Variants in GPC5 observed in about 807,000 individuals in gnomAD.
GPC5 encodes the protein glypican-5.
GPC5 carries 47 observed loss-of-function variants against 53.9 expected under a neutral mutation model. The observed-to-expected ratio is 0.87, with a 90% CI of 0.69 to 1.11. The LOEUF is 1.11. Among genes scored for constraint, GPC5 ranks in the 50% most tolerant of loss-of-function variants. The pLI is 0.00. For synonymous variants in GPC5, 286 were observed against 263.3 expected (o/e 1.09, Z -0.84); for missense variants, 748 against 713.1 (o/e 1.05, Z -0.56).
intron 1 of GPC5, among the ~76,000 whole-genome samples, chr13:91,437,259 G>T (rs1276345605): frequency 6.6e-6 from 1 of 152,176 alleles, no homozygotes; most frequent in Non-Finnish European, 1.5e-5. Context: ...TTGCTTGTTG[G>T]TTGATGCAGT....
chr13:91,663,994 A>G (rs939682760), intron 2 of GPC5, among the ~76,000 whole-genome samples: 1 of 152,088 alleles, frequency 6.6e-6, no homozygotes, highest in Non-Finnish European at 1.5e-5. Flanking sequence ...AACATCTTTG[A>G]CCATTACTGA....
chr13:92,615,523 T>G (rs898020660), intron 7 of GPC5, among the ~76,000 whole-genome samples: 2 of 152,156 alleles, frequency 1.3e-5, no homozygotes, highest in African/African-American at 4.8e-5. Context: ...ACAACAAAAG[T>G]TGATCTTTCA....
intron 7 of GPC5, among the ~76,000 whole-genome samples, chr13:92,568,222 G>A (rs1264614253): frequency 6.6e-6 from 1 of 152,028 alleles, no homozygotes. Context: ...ATAATATTTT[G>A]CCTATTAAAA....
At chr13:91,830,524 A>G (rs1178655236) in intron 5 of GPC5, among the ~76,000 whole-genome samples, 2 of 151,904 alleles carry the variant, frequency 1.3e-5, no homozygotes, top group Non-Finnish European at 2.9e-5. Context: ...ATAAGTGTCC[A>G]TGAAATCTTT....
intron 6 of GPC5, among the ~76,000 whole-genome samples, chr13:92,082,126 G>A (rs1044940885): frequency 6.6e-6 from 1 of 152,014 alleles, no homozygotes; most frequent in African/African-American, 2.4e-5. Context: ...TAATTAAAGG[G>A]GAGTTTGTCT....
rs748202307 is a variant in GPC5, at chr13:91,693,740, T to C, written c.879T>C (p.His293=). The C allele has an allele frequency of 2.8e-5, 45 of 1,614,070 alleles. No homozygotes were observed. The highest frequency in any genetic ancestry group is 3.6e-5 in the Non-Finnish European group (42 of 1,180,036). ...AHMAELNPHW[H]AYIRSLEELS... is the part of the protein sequence containing the mutation. ...TGGCGGAGCTTAATCCACACTGGCA[T>C]GCATATATCCGGTCGTTGGAAGAAC... The change falls in exon 3 of 8, where the codon CAT becomes CAC. Residue 293 remains histidine, a synonymous_variant. Transcript: ENST00000377067.
At chr13:92,602,843 T>C (rs1046470216) in intron 7 of GPC5, among the ~76,000 whole-genome samples, 1 of 148,144 alleles carries the variant, frequency 6.8e-6, no homozygotes, top group Admixed American at 6.6e-5. Context: ...ATAGTCATAG[T>C]TTTGATTTTT....
chr13:92,767,441 A>G (rs1875447720), intron 7 of GPC5, among the ~76,000 whole-genome samples: 1 of 152,188 alleles, frequency 6.6e-6, no homozygotes, highest in African/African-American at 2.4e-5. Flanking sequence ...ACCACACTTC[A>G]GCCTGGGCGA....
chr13:92,601,412 G>T (rs772475791), intron 7 of GPC5, among the ~76,000 whole-genome samples: 1 of 151,740 alleles, frequency 6.6e-6, no homozygotes, highest in Non-Finnish European at 1.5e-5. Context: ...AAAATCAGCC[G>T]GGCATGGTGG....
rs1049265387 is a variant in GPC5, at chr13:92,398,292, A to G, written c.1561+253303A>G. On this transcript the variant is annotated intron_variant, in intron 7 of 7. Coordinates refer to ENST00000377067, the MANE Select transcript of GPC5 (RefSeq NM_004466.6). ...AAAATACAAAAAATTAGCCGGGCGT[A>G]GTGGCGGGCGCCTGTAGTCCCAGCT... is the stretch of plus-strand genomic sequence containing the variant. 1.5e-4 allele frequency among the ~76,000 whole-genome samples: 23 copies of G among 149,446 alleles called. No homozygotes were observed. The East Asian group carries it at 2.0e-3, about 13-fold the overall frequency.
At chr13:91,647,072 TG>T (rs34850455) in intron 2 of GPC5, among the ~76,000 whole-genome samples, 1 of 634 alleles carries the variant, frequency 1.6e-3, no homozygotes, top group African/African-American at 0.014. Flanking sequence ...TATATATGCG[TG>T]TGTGTGTGTG....
chr13:91,715,344 T>C (rs2036313742), intron 3 of GPC5, among the ~76,000 whole-genome samples: 1 of 149,838 alleles, frequency 6.7e-6, no homozygotes, highest in African/African-American at 2.5e-5. Flanking sequence ...TATGTGTGGA[T>C]ATCTACACGT....
intron 7 of GPC5, among the ~76,000 whole-genome samples, chr13:92,593,808 A>G (rs1883786981): frequency 6.6e-6 from 1 of 152,172 alleles, no homozygotes; most frequent in African/African-American, 2.4e-5. Flanking sequence ...CTGAAATGGC[A>G]AGTAAGACGT....
chr13:92,583,161 C>A (rs1374545877), intron 7 of GPC5, among the ~76,000 whole-genome samples: 1 of 152,082 alleles, frequency 6.6e-6, no homozygotes, highest in Non-Finnish European at 1.5e-5. Flanking sequence ...GTACATTCAT[C>A]CTGTTCCTAG....
intron 2 of GPC5, among the ~76,000 whole-genome samples, chr13:91,591,104 A>G (rs1049819271): frequency 6.6e-5 from 10 of 152,230 alleles, no homozygotes; most frequent in Non-Finnish European, 1.2e-4. Flanking sequence ...TAAGACAGTG[A>G]TAGGCACCTC....
intron 3 of GPC5, among the ~76,000 whole-genome samples, chr13:91,719,420 G>T (rs886295842): frequency 6.6e-6 from 1 of 152,176 alleles, no homozygotes; most frequent in Non-Finnish European, 1.5e-5. Context: ...CATTATCCAA[G>T]ATCATTATTC....
rs557432050 is a variant in GPC5 at position 92,325,827 on chromosome 13, G to A, written c.1561+180838G>A. Among the ~76,000 whole-genome samples the A allele has an allele frequency of 9.2e-5, 14 of 152,120 alleles. 1 individual carries two copies. The highest frequency in any genetic ancestry group is 2.1e-4 in the South Asian group (1 of 4,822). ...AGGAGTGACAGAAAGAAAATCAGTGGTTTCCTATGAACGAGGCATGGCACA... is the reference window on the plus strand; with the variant it reads ...AGGAGTGACAGAAAGAAAATCAGTGATTTCCTATGAACGAGGCATGGCACA... On this transcript the variant is annotated intron_variant, in intron 7 of 7. Coordinates refer to ENST00000377067, the MANE Select transcript of GPC5 (RefSeq NM_004466.6).
At chr13:92,145,759 A>G (rs551263280) in intron 7 of GPC5, among the ~76,000 whole-genome samples, 1 of 152,290 alleles carries the variant, frequency 6.6e-6, no homozygotes, top group South Asian at 2.1e-4. Context: ...TCAACTATTC[A>G]TGTAATCTTG....
At chr13:91,784,291 G>A (rs115257288) in intron 5 of GPC5, among the ~76,000 whole-genome samples, 2 of 152,104 alleles carry the variant, frequency 1.3e-5, no homozygotes, top group African/African-American at 4.8e-5. Context: ...TGTATCAAAA[G>A]AATTATTTGA....
Sources: gnomAD v4.1 joint callset for allele counts (sites outside exome capture counted in the v4.1 genomes callset) on GRCh38, gnomAD v4.1.1 for gene constraint, MANE v1.5 for transcripts, NCBI Gene and HGNC (gene_info 2026-07-23, HGNC 2026-07-21) for gene names.